Variants in EBF2 observed in about 807,000 individuals in gnomAD.
EBF2 encodes transcription factor COE2.
Under a neutral mutation model 72.8 loss-of-function variants are expected in EBF2, and 21 were observed. That is an observed-to-expected ratio of 0.29 (90% confidence interval 0.20 to 0.42). The LOEUF is 0.42. EBF2 is among the 10% of genes least tolerant of loss of function. The pLI, the probability that EBF2 is intolerant of heterozygous loss-of-function variation, is 1.00. For missense variants in EBF2, 637 were observed against 731.2 expected (o/e 0.87, Z 1.49); for synonymous variants, 299 against 274.2 (o/e 1.09, Z -0.89).
intron 7 of EBF2, among the ~76,000 whole-genome samples, chr8:25,891,217 A>C (rs1283529952): frequency 2.0e-5 from 3 of 152,114 alleles, no homozygotes; most frequent in Non-Finnish European, 4.4e-5. Context: ...GGGGTGGGGG[A>C]GAAGCTCAAA....
chr8:25,850,577 A>G lies in EBF2; in HGVS notation c.1696+17T>C. The G allele has an allele frequency of 6.5e-7, 1 of 1,532,662 alleles. No individual in the cohort carries two copies. Among genetic ancestry groups the G allele is most frequent in the Non-Finnish European group, 8.7e-7 (1 of 1,149,596 alleles). 94.9% of individuals were successfully genotyped at this position (1,532,662 alleles called of 1,614,324 possible). A position where few individuals can be genotyped will look rare whatever the true frequency, so the allele number is the denominator to read the frequency against. On this transcript the variant is annotated intron_variant, in intron 15 of 15. Coordinates refer to ENST00000520164, the MANE Select transcript of EBF2 (RefSeq NM_022659.4). Reference sequence around the variant, plus strand: ...CTATGGTACATTGTGTATCCCCAAAATAGAACCCTTGCTTACCTCTGAATC... The same window carrying G: ...CTATGGTACATTGTGTATCCCCAAAGTAGAACCCTTGCTTACCTCTGAATC...
intron 6 of EBF2, among the ~76,000 whole-genome samples, chr8:25,968,650 C>A (rs974248636): frequency 1.3e-5 from 2 of 152,144 alleles, no homozygotes; most frequent in South Asian, 4.1e-4. Context: ...CAACCTCCAC[C>A]CCCCTGGGTT....
Position 25,862,708 on chromosome 8 carries a change from C to T in EBF2, c.1098+1G>A. 1 of 1,590,384 alleles carries T rather than the reference C, an allele frequency of 6.3e-7. No homozygotes were observed. Among genetic ancestry groups the T allele is most frequent in the Non-Finnish European group, 8.6e-7 (1 of 1,166,988 alleles). On this transcript the variant is annotated splice_donor_variant, in intron 11 of 15. Transcript: ENST00000520164. LOFTEE classifies it high-confidence loss of function. ...ACATGTCAATTTCCAAAGCACATTACCTTAGCTAATCTCTCAGGATCTCCA... is the reference window on the plus strand; with the variant it reads ...ACATGTCAATTTCCAAAGCACATTATCTTAGCTAATCTCTCAGGATCTCCA...
chr8:26,013,294 G>A (rs1322975064), intron 6 of EBF2, among the ~76,000 whole-genome samples: 1 of 151,548 alleles, frequency 6.6e-6, no homozygotes, highest in African/African-American at 2.4e-5. Flanking sequence ...ATTCCTTTAA[G>A]AGACTAGATC....
intron 6 of EBF2, among the ~76,000 whole-genome samples, chr8:25,972,248 C>T (rs913397171): frequency 9.2e-5 from 14 of 152,154 alleles, no homozygotes; most frequent in African/African-American, 2.7e-4. Flanking sequence ...CCTTCGTAGA[C>T]CCCGAGGGAG....
intron 10 of EBF2, among the ~76,000 whole-genome samples, chr8:25,884,392 A>T (rs1251355422): frequency 6.6e-6 from 1 of 152,086 alleles, no homozygotes; most frequent in African/African-American, 2.4e-5. Flanking sequence ...GGATGGAGAA[A>T]GAAGGAGAGA....
At chr8:26,033,365 G>A (rs981923981) in intron 5 of EBF2, among the ~76,000 whole-genome samples, 5 of 152,144 alleles carry the variant, frequency 3.3e-5, no homozygotes, top group African/African-American at 1.2e-4. Context: ...GACTAACTGG[G>A]ACTACAGGTG....
intron 11 of EBF2, among the ~76,000 whole-genome samples, chr8:25,862,366 G>C (rs1340051201): frequency 6.6e-6 from 1 of 152,102 alleles, no homozygotes; most frequent in Non-Finnish European, 1.5e-5. Context: ...ATGAGTCCTT[G>C]CAATTATGGT....
intron 6 of EBF2, among the ~76,000 whole-genome samples, chr8:25,947,956 A>G (rs971058501): frequency 2.0e-5 from 3 of 152,236 alleles, no homozygotes; most frequent in Admixed American, 6.5e-5. Context: ...GCAGAAGACA[A>G]TGACACACAA....
At chr8:26,004,978 C>T (rs1282044165) in intron 6 of EBF2, among the ~76,000 whole-genome samples, 1 of 151,050 alleles carries the variant, frequency 6.6e-6, no homozygotes, top group African/African-American at 2.4e-5. Flanking sequence ...CCATATACAA[C>T]AGTCGCATAG....
At chr8:26,042,451 G>T (rs1805620056) in intron 1 of EBF2, among the ~76,000 whole-genome samples, 200 bp from the exon 2 acceptor site, 1 of 152,176 alleles carries the variant, frequency 6.6e-6, no homozygotes, top group Non-Finnish European at 1.5e-5. Context: ...GGGGTTGGGT[G>T]GCAGGGTTGA....
intron 14 of EBF2, among the ~76,000 whole-genome samples, chr8:25,851,966 T>C (rs1037907414): frequency 2.0e-5 from 3 of 152,200 alleles, no homozygotes; most frequent in Non-Finnish European, 2.9e-5. Flanking sequence ...AGCACTTATA[T>C]AGCATACTTC....
intron 6 of EBF2, among the ~76,000 whole-genome samples, chr8:25,961,357 T>C (rs1201457024): frequency 2.0e-5 from 3 of 152,168 alleles, no homozygotes; most frequent in Admixed American, 6.5e-5. Flanking sequence ...TCACTTCAAA[T>C]ATGAGGTTTT....
chr8:25,952,245 A>G (rs1803875453), intron 6 of EBF2, among the ~76,000 whole-genome samples: 1 of 152,226 alleles, frequency 6.6e-6, no homozygotes, highest in East Asian at 1.9e-4. Context: ...AGAGTGATCC[A>G]TGATTGGCCA....
chr8:26,012,044 A>G (rs1563208209), intron 6 of EBF2, among the ~76,000 whole-genome samples: 1 of 152,166 alleles, frequency 6.6e-6, no homozygotes, highest in East Asian at 1.9e-4. Context: ...TAGGAAGCCA[A>G]TCCATTTGTT....
intron 11 of EBF2, among the ~76,000 whole-genome samples, chr8:25,862,407 G>A (rs759154575): frequency 6.6e-6 from 1 of 152,100 alleles, no homozygotes; most frequent in Non-Finnish European, 1.5e-5. Flanking sequence ...CAAAGGAGTG[G>A]AAGCTTATAC....
At chr8:25,911,995 G>A (rs1803137243) in intron 6 of EBF2, among the ~76,000 whole-genome samples, 1 of 152,166 alleles carries the variant, frequency 6.6e-6, no homozygotes. Context: ...GAGGCAGGGA[G>A]GGTGCTTCAG....
intron 9 of EBF2, among the ~76,000 whole-genome samples, chr8:25,887,123 C>G (rs926250261): frequency 1.2e-4 from 18 of 151,886 alleles, no homozygotes; most frequent in Non-Finnish European, 2.7e-4. Flanking sequence ...CTCTGTCTCT[C>G]TCTCTCTCTC....
At position 26,041,020 on chromosome 8, in the gene EBF2, G is replaced by GTCTT; in HGVS notation, c.289-19_289-18insAAGA. ...CCTTGTTCCTGAAAAGACAGGCAGCGTTCGATTCCCTTGCCTTTCAGCCCC... is the reference window on the plus strand; with the variant it reads ...CCTTGTTCCTGAAAAGACAGGCAGCGTCTTTTCGATTCCCTTGCCTTTCAGCCCC... On this transcript the variant is annotated intron_variant, in intron 2 of 15. Transcript: ENST00000520164. 6.2e-7 allele frequency: 1 copy of GTCTT among 1,613,810 alleles called. No homozygotes were observed. The highest frequency in any genetic ancestry group is 8.5e-7 in the Non-Finnish European group (1 of 1,179,892).
Sources: allele counts gnomAD v4.1 joint callset (sites outside exome capture counted in the v4.1 genomes callset), GRCh38; gene constraint gnomAD v4.1.1; transcripts MANE v1.5; gene names NCBI Gene and HGNC (gene_info 2026-07-23, HGNC 2026-07-21).